The following ABHD11 variants were observed in gnomAD, a reference collection of about 807,000 sequenced individuals.
ABHD11 encodes the protein sn-1-specific diacylglycerol lipase ABHD11.
In ABHD11, 26 loss-of-function variants were observed where a neutral mutation model predicts 29.0. That is an observed-to-expected ratio of 0.90 (90% CI 0.66 to 1.24). ABHD11 has a LOEUF of 1.24. Among genes scored for constraint, ABHD11 ranks in the 50% most tolerant of loss-of-function variants. The pLI, the probability that ABHD11 is intolerant of heterozygous loss-of-function variation, is 0.00. For synonymous variants in ABHD11, 169 were observed against 166.4 expected (o/e 1.02, Z -0.12); for missense variants, 381 against 422.4 (o/e 0.90, Z 0.86).
rs781982431 is a variant in ABHD11, at chr7:73,738,334, G to C, written c.255C>G (p.Gly85=). The change falls in exon 2 of 6, where the codon GGC becomes GGG. Residue 85 remains glycine (G), a synonymous_variant. Coordinates refer to ENST00000222800, the MANE Select transcript of ABHD11 (RefSeq NM_148912.4). ...CGCCCACTCGAAAGCTCACCCTACG[G>C]CCTGTCTGCTGGGCCAAGATCTTGG... The part of the protein sequence containing the change: ...SIAKILAQQT[G]RRVLTVDARN... The C allele has an allele frequency of 1.4e-5, 22 of 1,608,872 alleles. No homozygotes were observed. The Admixed American group carries it at 3.7e-4, about 27-fold the overall frequency.
chr7:73,738,293 AG>A, intron 2 of ABHD11, 34 bp downstream of exon 2: 1 of 551,164 alleles, frequency 1.8e-6, no homozygotes, highest in Non-Finnish European at 3.0e-6. Flanking sequence ...ACTCCCGCCC[AG>A]CCCCAAAGGA....
chr7:73,738,317 C>A lies in ABHD11; in HGVS notation c.261+11G>T, dbSNP rs1308718333. The A allele has an allele frequency of 3.8e-6, 6 of 1,572,900 alleles. No individual in the cohort carries two copies. Among genetic ancestry groups the A allele is most frequent in the African/African-American group, 2.7e-5 (2 of 73,582 alleles). Reference sequence around the variant, plus strand: ...CAGCCCCAAAGGAGCCCCGCCCACTCGAAAGCTCACCCTACGGCCTGTCTG... The same window carrying A: ...CAGCCCCAAAGGAGCCCCGCCCACTAGAAAGCTCACCCTACGGCCTGTCTG... On this transcript the variant is annotated intron_variant, in intron 2 of 5. Coordinates refer to ENST00000222800, the MANE Select transcript of ABHD11 (RefSeq NM_148912.4).
Position 73,737,334 on chromosome 7 carries a change from C to T in ABHD11, c.493G>A (p.Val165Ile), listed in dbSNP as rs142499119. The change falls in exon 4 of 6, where the codon GTC becomes ATC. Residue 165 changes from valine to isoleucine, a missense_variant. Coordinates refer to ENST00000222800, the MANE Select transcript of ABHD11 (RefSeq NM_148912.4). Reference protein sequence around the residue: ...VDISPVESTGVSHFATYVAAM... With the variant: ...VDISPVESTGISHFATYVAAM... ...GCCACATAGGTTGCAAAGTGGGAGA[C>T]ACCTGTGCTTTCCACTGGGCTGATA... 32 of 1,613,998 alleles carry T rather than the reference C, an allele frequency of 2.0e-5. No individual in the cohort carries two copies. In the African/African-American group the frequency reaches 2.5e-4, roughly 13 times the overall value.
At chr7:73,738,584 G>A (rs1800218600) in intron 1 of ABHD11, 62 bp downstream of exon 1, 1 of 1,565,620 alleles carries the variant, frequency 6.4e-7, no homozygotes, top group African/African-American at 1.3e-5. Flanking sequence ...AGATGGGGCC[G>A]TCGGGGCCCG....
At position 73,736,920 on chromosome 7, in the gene ABHD11, C is replaced by T; in HGVS notation, c.788+9G>A. ...AAGCATGCCCCTCCTACTACCCAGG[C>T]TAGCTTACTGCACGAACTGGGAGTT... On this transcript the variant is annotated intron_variant, in intron 5 of 5. Coordinates refer to ENST00000222800, the MANE Select transcript of ABHD11 (RefSeq NM_148912.4). The T allele has an allele frequency of 6.2e-7, 1 of 1,612,254 alleles. No individual in the cohort carries two copies. The highest frequency in any genetic ancestry group is 8.5e-7 in the Non-Finnish European group (1 of 1,179,566).
chr7:73,736,700 C>T lies in ABHD11; in HGVS notation c.789-9G>A, dbSNP rs545181545. The T allele has an allele frequency of 1.1e-5, 17 of 1,613,380 alleles. No individual in the cohort carries two copies. Among genetic ancestry groups the T allele is most frequent in the Middle Eastern group, 1.8e-4 (1 of 5,612 alleles). The stretch of plus-strand genomic sequence containing the variant: ...CAGGGTGGTGGCTGGGACTGTGCAT[C>T]GCAGCGACGGCCATCAAAAACGGGT... On this transcript the variant is annotated splice_polypyrimidine_tract_variant and intron_variant, in intron 5 of 5. Coordinates refer to ENST00000222800, the MANE Select transcript of ABHD11 (RefSeq NM_148912.4).
Position 73,736,343 on chromosome 7 carries a change from G to T in ABHD11, c.*216C>A. On this transcript the variant is annotated 3_prime_UTR_variant, in exon 6 of 6. Coordinates refer to ENST00000222800, the MANE Select transcript of ABHD11 (RefSeq NM_148912.4). ...CAACCTCTGCCTCCAGGGTTCAAGT[G>T]ATTCTCCTGCCTCAGCCTCCAGAGT... The T allele has an allele frequency of 3.4e-6, 2 of 583,212 alleles. No individual in the cohort carries two copies. The highest frequency in any genetic ancestry group is 6.1e-6 in the Non-Finnish European group (2 of 328,714). The allele number at this position is 583,212 out of a possible 1,614,324, so 36.1% of individuals were successfully genotyped here.
chr7:73,738,278 CGCCCACT>C, intron 2 of ABHD11, 43 bp downstream of exon 2: 5 of 1,395,832 alleles, frequency 3.6e-6, no homozygotes, highest in East Asian at 2.5e-5. Context: ...TCTCAGGCCC[CGCCCACT>C]CCCGCCCAGC....
chr7:73,738,573 G>T (rs1380879744), intron 1 of ABHD11, 73 bp downstream of exon 1: 1 of 1,565,504 alleles, frequency 6.4e-7, no homozygotes. Context: ...CCAAAGGGAG[G>T]AGATGGGGCC....
chr7:73,738,625 C>T (rs782491689), intron 1 of ABHD11, 21 bp downstream of exon 1: 55 of 1,584,564 alleles, frequency 3.5e-5, no homozygotes, highest in Non-Finnish European at 4.6e-5. Flanking sequence ...GATGGCCTCC[C>T]GCCCGGTGCC....
chr7:73,737,114 TG>T lies in ABHD11; in HGVS notation c.607-5del, dbSNP rs1563597778. On this transcript the variant is annotated splice_polypyrimidine_tract_variant and splice_region_variant and intron_variant, in intron 4 of 5. Coordinates refer to ENST00000222800, the MANE Select transcript of ABHD11 (RefSeq NM_148912.4). ...GGTGCTGCCGCACGGCCATGTCCTG[TG>T]GGGGTGCAGCAGTTGGGGGAGGTTC... 8.1e-6 allele frequency: 13 copies of T among 1,613,726 alleles called. No homozygotes were observed. In the Middle Eastern group the frequency reaches 4.9e-4, roughly 61 times the overall value.
At chr7:73,738,250 C>T in intron 2 of ABHD11, 78 bp downstream of exon 2, 4 of 1,226,188 alleles carry the variant, frequency 3.3e-6, no homozygotes, top group South Asian at 2.7e-5. Flanking sequence ...GAAGCGGGAC[C>T]CCCCCTGCCC....
intron 5 of ABHD11, 72 bp from the exon 6 acceptor site, chr7:73,736,763 A>G: frequency 1.2e-6 from 2 of 1,607,444 alleles, no homozygotes; most frequent in Admixed American, 3.4e-5. Flanking sequence ...GACACGTGGA[A>G]GCAGAACGGG....
chr7:73,737,520 T>A (rs1554622319), intron 3 of ABHD11, 42 bp downstream of exon 3: 1 of 1,570,962 alleles, frequency 6.4e-7, no homozygotes, highest in Non-Finnish European at 8.6e-7. Context: ...GCCCTCAGGG[T>A]ATATACTGAA....
In ABHD11 at chr7:73,737,204, C is replaced by A. The variant is rs1554622145; in HGVS notation, c.606+17G>T. On this transcript the variant is annotated intron_variant, in intron 4 of 5. Transcript: ENST00000222800. The stretch of plus-strand genomic sequence containing the variant: ...TCCTGGTCTACAATACCATCCGGGG[C>A]ACCTTGGGTGTATCACCTGGATGAC... 1 of 1,613,922 alleles carries A rather than the reference C, an allele frequency of 6.2e-7. No homozygotes were observed. The highest frequency in any genetic ancestry group is 1.1e-5 in the South Asian group (1 of 91,082).
At chr7:73,736,737 G>A (rs781917606) in intron 5 of ABHD11, 46 bp from the exon 6 acceptor site, 16 of 1,611,444 alleles carry the variant, frequency 9.9e-6, no homozygotes, top group Middle Eastern at 2.0e-4. Context: ...AAAGTGGGAT[G>A]AGGAGGAGTG....
chr7:73,737,416 C>T (rs1554622299), intron 3 of ABHD11, 25 bp from the exon 4 acceptor site: 1 of 1,600,900 alleles, frequency 6.2e-7, no homozygotes, highest in East Asian at 2.2e-5. Context: ...CGAACTGGGA[C>T]CAGTCTTAGG....
intron 2 of ABHD11, 126 bp downstream of exon 2, chr7:73,738,202 G>A (rs1387673844): frequency 1.4e-6 from 2 of 1,392,796 alleles, no homozygotes; most frequent in African/African-American, 1.4e-5. Flanking sequence ...GCCGTTCAGG[G>A]TCCATACTCA....
chr7:73,737,956 G>A (rs1800092580), intron 2 of ABHD11: 1 of 819,562 alleles, frequency 1.2e-6, no homozygotes, highest in African/African-American at 1.7e-5. Context: ...TCTCTGAAGG[G>A]CTGGCCTGGC....
Sources: gnomAD v4.1 joint callset for allele counts on GRCh38, gnomAD v4.1.1 for gene constraint, MANE v1.5 for transcripts, NCBI Gene and HGNC (gene_info 2026-07-23, HGNC 2026-07-21) for gene names.